The following RADIL variants were observed in gnomAD, a reference collection of about 807,000 sequenced individuals.
The protein encoded by RADIL is Rap associating with DIL domain.
Under a neutral mutation model 97.6 loss-of-function variants are expected in RADIL, and 99 were observed. The observed-to-expected ratio is 1.01, with a 90% CI of 0.86 to 1.20. RADIL has a LOEUF of 1.20. Ranked by LOEUF, RADIL falls within the 50% of genes most tolerant of loss-of-function variation. RADIL has a pLI of 0.00. For synonymous variants in RADIL, 803 were observed against 691.8 expected, an observed-to-expected ratio of 1.16 and a Z score of -2.52; for missense variants, 1,765 against 1,498.9, an observed-to-expected ratio of 1.18 and a Z score of -2.93.
chr7:4,866,146 G>A (rs569188565), intron 2 of RADIL, among the ~76,000 whole-genome samples: 1 of 152,260 alleles, frequency 6.6e-6, no homozygotes, highest in African/African-American at 2.4e-5. Flanking sequence ...ATGTGCGTGT[G>A]CATGTATGTG....
In RADIL at chr7:4,859,996, T is replaced by C. The variant is rs747158889; in HGVS notation, c.535+17609A>G. 7 of 1,614,012 alleles carry C rather than the reference T, an allele frequency of 4.3e-6. No homozygotes were observed. The South Asian group carries it at 5.5e-5, about 13-fold the overall frequency. On this transcript the variant is annotated intron_variant, in intron 2 of 14. Coordinates refer to ENST00000399583, the MANE Select transcript of RADIL (RefSeq NM_018059.5). ...CTCTGGCGACCATGGCCTTTGGTGA[T>C]GGAGAAATGGCAGGCTGAGAGACAG...
rs150456688 is a variant in RADIL, at chr7:4,829,880, A to C, written c.1454+2261T>G. Among the ~76,000 whole-genome samples, 10 of 152,228 alleles carry C rather than the reference A, an allele frequency of 6.6e-5. No individual in the cohort carries two copies. In the East Asian group the frequency reaches 1.9e-3, roughly 30 times the overall value. The stretch of plus-strand genomic sequence containing the variant: ...CCCATTAAACCTGTTTCCTTTATAA[A>C]TTACCCAGTCTCGGATATGTCTTTA... On this transcript the variant is annotated intron_variant, in intron 5 of 14. Transcript: ENST00000399583.
At chr7:4,800,531 A>G (rs1170936129) in intron 12 of RADIL, among the ~76,000 whole-genome samples, 1 of 152,108 alleles carries the variant, frequency 6.6e-6, no homozygotes, top group Non-Finnish European at 1.5e-5. Flanking sequence ...GGAGCACCTC[A>G]GTCCCCGCCC....
At chr7:4,871,214 T>C (rs1461452548) in intron 2 of RADIL, among the ~76,000 whole-genome samples, 1 of 152,250 alleles carries the variant, frequency 6.6e-6, no homozygotes, top group Non-Finnish European at 1.5e-5. Flanking sequence ...CAGTGAGTTA[T>C]TCCCATGTAA....
intron 11 of RADIL, 147 bp from the exon 12 acceptor site, chr7:4,802,142 G>A (rs1049172289): frequency 1.7e-5 from 11 of 661,876 alleles, no homozygotes; most frequent in East Asian, 5.8e-5. Context: ...AGCTTGAGAC[G>A]CGCAAGAGGC....
intron 5 of RADIL, among the ~76,000 whole-genome samples, chr7:4,823,625 G>T (rs984236870): frequency 1.3e-5 from 2 of 152,160 alleles, no homozygotes; most frequent in Non-Finnish European, 2.9e-5. Context: ...CTTTTCAGGG[G>T]ATGACGGCAT....
chr7:4,831,835 C>A (rs535736489), intron 5 of RADIL, among the ~76,000 whole-genome samples: 2 of 152,220 alleles, frequency 1.3e-5, no homozygotes, highest in South Asian at 4.1e-4. Flanking sequence ...TTGCTGTGAG[C>A]AGAGATTGCA....
intron 13 of RADIL, 39 bp downstream of exon 13, chr7:4,800,132 G>A (rs889452510): frequency 5.8e-6 from 9 of 1,549,280 alleles, no homozygotes; most frequent in Admixed American, 1.8e-5. Context: ...GGGCCAGGCA[G>A]CCAGTATGGG....
intron 2 of RADIL, chr7:4,865,540 T>G: frequency 1.3e-6 from 1 of 785,060 alleles, no homozygotes; most frequent in East Asian, 2.4e-5. Flanking sequence ...TCAAATATTT[T>G]TTGTTGAGAT....
In RADIL at chr7:4,837,953, C is replaced by A. The variant is rs1783344632; in HGVS notation, c.536-1348G>T. The A allele has an allele frequency of 1.0e-6, 1 of 985,288 alleles. No homozygotes were observed. The highest frequency in any genetic ancestry group is 1.2e-6 in the Non-Finnish European group (1 of 829,940). 61.0% of individuals were successfully genotyped at this position (985,288 alleles called of 1,614,324 possible). ...TTCCTCCAACCATTCCCAATAAAAC[C>A]AAACAAAAGCCGGATGGAGGGAGGC... On this transcript the variant is annotated intron_variant, in intron 2 of 14. Transcript: ENST00000399583. The surrounding 1 kb of genome is among the most constrained non-coding windows in gnomAD (Gnocchi z 5.6).
intron 11 of RADIL, 61 bp downstream of exon 11, chr7:4,803,485 G>C: frequency 7.1e-7 from 1 of 1,400,240 alleles, no homozygotes; most frequent in South Asian, 1.4e-5. Context: ...GGGCACGCTG[G>C]CTGGGTCCCC....
Position 4,834,682 on chromosome 7 carries a change from C to G in RADIL, c.1341G>C (p.Ser447=), listed in dbSNP as rs1322415359. Residue 447 remains serine, a synonymous_variant, in exon 4 of 15, where the codon TCG becomes TCC. Transcript: ENST00000399583. The surrounding 1 kb of genome is among the most constrained non-coding windows in gnomAD (Gnocchi z 6.0). ...ATGTGCCCGGCTGGAAGTGGGTGGC[C>G]GAGTGCTGGATGCAGAGGCACAGGA... ...AFLLCLCIQH[S]ATHFQPGTFG... is the part of the protein sequence containing the mutation. The G allele has an allele frequency of 1.2e-5, 17 of 1,381,722 alleles. No homozygotes were observed. Among genetic ancestry groups the G allele is most frequent in the Non-Finnish European group, 1.6e-5 (17 of 1,062,288 alleles). 85.6% of individuals were successfully genotyped at this position (1,381,722 alleles called of 1,614,324 possible). A position where few individuals can be genotyped will look rare whatever the true frequency, so the allele number is the denominator to read the frequency against.
rs959818948 is a variant in RADIL at position 4,834,885 on chromosome 7, G to C, written c.1138C>G (p.Arg380Gly). 7.6e-6 allele frequency: 11 copies of C among 1,448,788 alleles called. No homozygotes were observed. The highest frequency in any genetic ancestry group is 2.9e-5 in the African/African-American group (2 of 68,974). The allele number at this position is 1,448,788 out of a possible 1,614,324, so 89.7% of individuals were successfully genotyped here. ...ARLRAVPQSC[R>G]LCGAALGARG... ...GCCCCGAGCGCGGCCCCGCACAGCC[G>C]GCAGCTCTGCGGCACAGCCCGGAGG... The change falls in exon 4 of 15, where the codon CGG becomes GGG. Residue 380 changes from arginine to glycine, a missense_variant. Physicochemically the swap from Arg to Gly is moderately radical, Grantham distance 125 (BLOSUM62 -2). Coordinates refer to ENST00000399583, the MANE Select transcript of RADIL (RefSeq NM_018059.5). The surrounding 1 kb of genome is among the most constrained non-coding windows in gnomAD (Gnocchi z 6.0).
intron 11 of RADIL, 50 bp downstream of exon 11, chr7:4,803,496 T>C (rs1278676096): frequency 2.2e-6 from 3 of 1,387,308 alleles, no homozygotes; most frequent in African/African-American, 3.3e-5. Context: ...CTGGGTCCCC[T>C]CCCCGGGCAC....
At position 4,832,198 on chromosome 7, in the gene RADIL, G is replaced by A. The variant is rs771320583; in HGVS notation, c.1417-20C>T. The A allele has an allele frequency of 6.2e-7, 1 of 1,608,468 alleles. No individual in the cohort carries two copies. On this transcript the variant is annotated intron_variant, in intron 4 of 14. Transcript: ENST00000399583. ...TTTCTCCTACAATTACAAAGCGGGAGAAAAAGCAAGTGAGCAAAACAGGCT... is the reference window on the plus strand; with the variant it reads ...TTTCTCCTACAATTACAAAGCGGGAAAAAAAGCAAGTGAGCAAAACAGGCT...
chr7:4,819,472 G>T lies in RADIL; in HGVS notation c.1616-2121C>A, dbSNP rs1240741836. 6.6e-6 allele frequency among the ~76,000 whole-genome samples: 1 copy of T among 152,138 alleles called. No homozygotes were observed. The highest frequency in any genetic ancestry group is 1.9e-4 in the East Asian group (1 of 5,192). On this transcript the variant is annotated intron_variant, in intron 6 of 14. Transcript: ENST00000399583. The surrounding 1 kb of genome is among the most constrained non-coding windows in gnomAD (Gnocchi z 5.8). The stretch of plus-strand genomic sequence containing the variant: ...CACGAGCCATTAAGAGGACACACCA[G>T]CCGGCTGCCCCTGCCCTGCCCCGAA...
chr7:4,815,532 C>T lies in RADIL; in HGVS notation c.1967-82G>A. 7.3e-7 allele frequency: 1 copy of T among 1,361,524 alleles called. No individual in the cohort carries two copies. Among genetic ancestry groups the T allele is most frequent in the Non-Finnish European group, 9.7e-7 (1 of 1,030,622 alleles). 84.3% of individuals were successfully genotyped at this position (1,361,524 alleles called of 1,614,324 possible). ...CATGGGCCTGTCCCCAGAGCCTGCC[C>T]TTCCCGGCTCTGGGCCACTGAGGAC... On this transcript the variant is annotated intron_variant, in intron 8 of 14. Coordinates refer to ENST00000399583, the MANE Select transcript of RADIL (RefSeq NM_018059.5). The surrounding 1 kb of genome is among the most constrained non-coding windows in gnomAD (Gnocchi z 8.0).
chr7:4,859,813 TC>T, intron 2 of RADIL: 2 of 796,732 alleles, frequency 2.5e-6, no homozygotes, highest in Non-Finnish European at 4.1e-6. Flanking sequence ...GTTGTACTTG[TC>T]TTTGTATTGA....
rs1446280892 is a variant in RADIL at position 4,799,224 on chromosome 7, A to C, written c.*154T>G. 1 of 628,738 alleles carries C rather than the reference A, an allele frequency of 1.6e-6. No individual in the cohort carries two copies. Among genetic ancestry groups the C allele is most frequent in the Non-Finnish European group, 2.8e-6 (1 of 353,900 alleles). 38.9% of individuals were successfully genotyped at this position (628,738 alleles called of 1,614,324 possible). On this transcript the variant is annotated 3_prime_UTR_variant, in exon 15 of 15. Coordinates refer to ENST00000399583, the MANE Select transcript of RADIL (RefSeq NM_018059.5). ...TGCCATATAAATAGAACCTACACTG[A>C]GATGCATGTTATCAACAGGCATGTC... is the stretch of plus-strand genomic sequence containing the variant.
Sources: gnomAD v4.1 joint callset for allele counts (sites outside exome capture counted in the v4.1 genomes callset) on GRCh38, gnomAD v4.1.1 for gene constraint, Gnocchi (gnomAD v3.1) non-coding constraint, MANE v1.5 for transcripts, NCBI Gene and HGNC (gene_info 2026-07-23, HGNC 2026-07-21) for gene names.